IPPK: variants seen among roughly 807,000 people sequenced by gnomAD.
IPPK encodes the protein IPK1 homolog.
A neutral mutation model predicts 64.6 loss-of-function variants in IPPK; 22 were observed. That is an observed-to-expected ratio of 0.34 (90% CI 0.24 to 0.49). The LOEUF is 0.49. IPPK is among the 20% of genes least tolerant of loss of function. IPPK has a pLI of 0.99. For missense variants in IPPK, 532 were observed against 630.7 expected (o/e 0.84, Z 1.68); for synonymous variants, 262 against 247.2 (o/e 1.06, Z -0.56).
At chr9:92,666,147 G>A (rs1852591124) in intron 1 of IPPK, among the ~76,000 whole-genome samples, 1 of 152,152 alleles carries the variant, frequency 6.6e-6, no homozygotes, top group South Asian at 2.1e-4. Flanking sequence ...TCAGTAAGAA[G>A]GAAAACATCA....
chr9:92,669,867 G>A (rs2131470604), intron 1 of IPPK, 41 bp downstream of exon 1: 1 of 1,482,184 alleles, frequency 6.7e-7, no homozygotes, highest in Non-Finnish European at 9.4e-7. Flanking sequence ...ACCGGCCGTC[G>A]GAGTGAGGTA....
At chr9:92,624,914 AAAAC>A (rs1331601408) in intron 11 of IPPK, among the ~76,000 whole-genome samples, 17 of 152,308 alleles carry the variant, frequency 1.1e-4, no homozygotes, top group African/African-American at 2.9e-4. Context: ...CTAAAAAAAA[AAAAC>A]AAACAGGAGA....
chr9:92,664,616 A>C (rs1852555798), intron 1 of IPPK, among the ~76,000 whole-genome samples: 1 of 152,172 alleles, frequency 6.6e-6, no homozygotes, highest in African/African-American at 2.4e-5. Flanking sequence ...GCTGACCCCT[A>C]TAGGCATGGA....
At position 92,615,827 on chromosome 9, in the gene IPPK, A is replaced by C. The variant is rs746841324; in HGVS notation, c.*5T>G. 3 of 1,600,536 alleles carry C rather than the reference A, an allele frequency of 1.9e-6. No individual in the cohort carries two copies. In the South Asian group the frequency reaches 3.3e-5, roughly 18 times the overall value. On this transcript the variant is annotated 3_prime_UTR_variant, in exon 13 of 13. Transcript: ENST00000287996. The stretch of plus-strand genomic sequence containing the variant: ...TCAAGTTTCAAAGACACTGCAGGGA[A>C]AGAGTTAGACCTTGTGGAGAACTAA...
At chr9:92,648,189 A>G in intron 5 of IPPK, 41 bp from the exon 6 acceptor site, 1 of 1,389,626 alleles carries the variant, frequency 7.2e-7, no homozygotes, top group Non-Finnish European at 1.0e-6. Flanking sequence ...ATTTAGGAAG[A>G]AATCACATAC....
At chr9:92,616,549 T>G (rs1021834304) in intron 12 of IPPK, 1 of 155,012 alleles carries the variant, frequency 6.5e-6, no homozygotes, top group South Asian at 2.0e-4. Context: ...GCCTTCTTCT[T>G]TGCCTCTCCT....
At chr9:92,622,022 C>A (rs1851646930) in intron 11 of IPPK, among the ~76,000 whole-genome samples, 1 of 152,148 alleles carries the variant, frequency 6.6e-6, no homozygotes, top group African/African-American at 2.4e-5. Flanking sequence ...AGAAAAAGAA[C>A]ACATCACAAC....
chr9:92,628,291 C>T (rs1851770400), intron 11 of IPPK, among the ~76,000 whole-genome samples: 1 of 152,190 alleles, frequency 6.6e-6, no homozygotes, highest in Non-Finnish European at 1.5e-5. Flanking sequence ...CTATGAGAAT[C>T]CCAGCTGGCT....
rs1851367098 is a variant in IPPK, at chr9:92,614,403, A to AT, written c.*1428dup. ...CTCCGTGCACTTCACCAAAGCCCCC[A>AT]TCCCAGCACACAGGACCCGTGTGTA... On this transcript the variant is annotated 3_prime_UTR_variant, in exon 13 of 13. Transcript: ENST00000287996. 6.6e-6 allele frequency: 1 copy of AT among 152,302 alleles called. No homozygotes were observed. The allele number at this position is 152,302 out of a possible 1,614,324, so 9.4% of individuals were successfully genotyped here.
rs1389642377 is a variant in IPPK, at chr9:92,616,067, A to G, written c.1251-10T>C. ...AGGCCTTTGATCAGAGCTGCAAGTA[A>G]AAAGTACCATTTCAGGATACACAAG... On this transcript the variant is annotated splice_polypyrimidine_tract_variant and intron_variant, in intron 12 of 12. Coordinates refer to ENST00000287996, the MANE Select transcript of IPPK (RefSeq NM_022755.6). 1.2e-5 allele frequency: 20 copies of G among 1,602,692 alleles called. No individual in the cohort carries two copies. Among genetic ancestry groups the G allele is most frequent in the Non-Finnish European group, 1.7e-5 (20 of 1,171,002 alleles).
At chr9:92,630,186 T>C (rs1299153947) in intron 11 of IPPK, among the ~76,000 whole-genome samples, 1 of 151,788 alleles carries the variant, frequency 6.6e-6, no homozygotes. Flanking sequence ...CCCCATGGAC[T>C]ATTACTGAGC....
chr9:92,650,878 G>A (rs933515004), intron 4 of IPPK, among the ~76,000 whole-genome samples: 2 of 152,114 alleles, frequency 1.3e-5, no homozygotes, highest in African/African-American at 4.8e-5. Flanking sequence ...AACCCGTGGT[G>A]TGGACAGAAC....
intron 3 of IPPK, among the ~76,000 whole-genome samples, chr9:92,653,306 A>G (rs532836646): frequency 2.0e-5 from 3 of 152,332 alleles, no homozygotes; most frequent in East Asian, 1.9e-4. Context: ...AAACGGACAC[A>G]GGAGATCTGC....
intron 3 of IPPK, 51 bp downstream of exon 3, chr9:92,656,405 T>C (rs369639992): frequency 8.7e-7 from 1 of 1,153,308 alleles, no homozygotes. Context: ...AAATTGGCAG[T>C]GTTGATGCAA....
chr9:92,618,645 CAG>C (rs1851524861), intron 12 of IPPK: 1 of 442,410 alleles, frequency 2.3e-6, no homozygotes. Flanking sequence ...TAGGGGATAA[CAG>C]GAGTTTTCAA....
chr9:92,632,893 G>A (rs898110426), intron 11 of IPPK, among the ~76,000 whole-genome samples: 2 of 152,258 alleles, frequency 1.3e-5, no homozygotes, highest in Non-Finnish European at 2.9e-5. Flanking sequence ...TCCAGGCAGC[G>A]GTGCATGCAC....
In IPPK at chr9:92,656,471, G is replaced by A; in HGVS notation, c.210C>T (p.Asn70=). The A allele has an allele frequency of 6.2e-7, 1 of 1,610,422 alleles. No individual in the cohort carries two copies. Among genetic ancestry groups the A allele is most frequent in the Non-Finnish European group, 8.5e-7 (1 of 1,176,616 alleles). Residue 70 remains asparagine, a synonymous_variant, in exon 3 of 13, where the codon AAC becomes AAT. Coordinates refer to ENST00000287996, the MANE Select transcript of IPPK (RefSeq NM_022755.6). ...KNVMKEFLGE[N]YVHYGEVVQL... ...AAGCACTTACCCCATAATGAACATAGTTCTCCCCCAAAAACTCCTTCATGA... is the reference window on the plus strand; with the variant it reads ...AAGCACTTACCCCATAATGAACATAATTCTCCCCCAAAAACTCCTTCATGA...
Position 92,656,615 on chromosome 9 carries a change from G to A in IPPK, c.130-64C>T, listed in dbSNP as rs1054363421. On this transcript the variant is annotated intron_variant, in intron 2 of 12. Coordinates refer to ENST00000287996, the MANE Select transcript of IPPK (RefSeq NM_022755.6). ...CCTCCCAACAGAGCCTTGCTTGAGG[G>A]GAGAGGCAAAAACCACCACGGACCC... is the stretch of plus-strand genomic sequence containing the variant. 2.7e-5 allele frequency: 31 copies of A among 1,133,924 alleles called. No homozygotes were observed. The Middle Eastern group carries it at 7.8e-4, about 29-fold the overall frequency. 70.2% of individuals were successfully genotyped at this position (1,133,924 alleles called of 1,614,324 possible).
rs1239879833 is a variant in IPPK at position 92,670,041 on chromosome 9, G to A, written c.-53C>T. 3 of 1,357,676 alleles carry A rather than the reference G, an allele frequency of 2.2e-6. No homozygotes were observed. The highest frequency in any genetic ancestry group is 1.9e-5 in the Admixed American group (1 of 51,804). The allele number at this position is 1,357,676 out of a possible 1,614,324, so 84.1% of individuals were successfully genotyped here. On this transcript the variant is annotated 5_prime_UTR_variant, in exon 1 of 13. Coordinates refer to ENST00000287996, the MANE Select transcript of IPPK (RefSeq NM_022755.6). ...GGCTAGGACTCGGGGACGCGAGCTG[G>A]GGGCCGCCCGCCTCGCTGGGAACCA...
Sources: gnomAD v4.1 joint callset for allele counts (sites outside exome capture counted in the v4.1 genomes callset) on GRCh38, gnomAD v4.1.1 for gene constraint, MANE v1.5 for transcripts, NCBI Gene and HGNC (gene_info 2026-07-23, HGNC 2026-07-21) for gene names.